The following CPXM1 variants were observed in gnomAD, a reference collection of about 807,000 sequenced individuals.
CPXM1 encodes the protein probable carboxypeptidase X1.
Under a neutral mutation model 80.4 loss-of-function variants are expected in CPXM1, and 72 were observed. The observed-to-expected ratio is 0.90, with a 90% CI of 0.74 to 1.09. The LOEUF (loss-of-function observed/expected upper bound fraction) is 1.09, where lower values mean the gene tolerates loss of function less well. Among genes scored for constraint, CPXM1 ranks in the 50% least tolerant of loss-of-function variants. The pLI, the probability that CPXM1 is intolerant of heterozygous loss-of-function variation, is 0.00. For synonymous variants in CPXM1, 403 were observed against 405.6 expected (o/e 0.99, Z 0.08); for missense variants, 892 against 999.4 (o/e 0.89, Z 1.45).
rs773319496 is a variant in CPXM1, at chr20:2,794,437, G to C, written c.1964-6C>G. 11 of 1,613,590 alleles carry C rather than the reference G, an allele frequency of 6.8e-6. No homozygotes were observed. The highest frequency in any genetic ancestry group is 9.3e-6 in the Non-Finnish European group (11 of 1,179,580). ...CCAATAATCCCCGCCCCACGCTGAG[G>C]AGAGTGAAGGGCACGATCAGGACCC... On this transcript the variant is annotated splice_polypyrimidine_tract_variant and splice_region_variant and intron_variant, in intron 13 of 13. Transcript: ENST00000380605. The surrounding 1 kb of genome is among the most constrained non-coding windows in gnomAD (Gnocchi z 5.2).
In CPXM1 at chr20:2,796,821, G is replaced by C. The variant is rs1490479322; in HGVS notation, c.922-171C>G. Reference sequence around the variant, plus strand: ...GAGCCGGGAGGAAGGGGTAGGACTGGGGGGGCGCCATAATAAGGGAAAGTG... The same window carrying C: ...GAGCCGGGAGGAAGGGGTAGGACTGCGGGGGCGCCATAATAAGGGAAAGTG... On this transcript the variant is annotated intron_variant, in intron 7 of 13. Transcript: ENST00000380605. This position sits in a 1 kb window ranked among gnomAD's most constrained non-coding sequence, Gnocchi z 6.8. 6.6e-6 allele frequency among the ~76,000 whole-genome samples: 1 copy of C among 152,026 alleles called. No homozygotes were observed. The highest frequency in any genetic ancestry group is 1.5e-5 in the Non-Finnish European group (1 of 67,982).
intron 3 of CPXM1, 42 bp from the exon 4 acceptor site, chr20:2,798,333 G>A: frequency 6.2e-7 from 1 of 1,610,646 alleles, no homozygotes; most frequent in Non-Finnish European, 8.5e-7. Context: ...GTTGGACAGA[G>A]TGGGGCAGGC....
rs1044144384 is a variant in CPXM1 at position 2,794,108 on chromosome 20, C to A, written c.*82G>T. 23 of 1,509,426 alleles carry A rather than the reference C, an allele frequency of 1.5e-5. No homozygotes were observed. Among genetic ancestry groups the A allele is most frequent in the Non-Finnish European group, 6.2e-6 (7 of 1,128,090 alleles). 93.5% of individuals were successfully genotyped at this position (1,509,426 alleles called of 1,614,324 possible). ...CGGTAGCTTTAATGAGCACCTTTTC[C>A]TCACTTTGTCCCTCCCTCTCTACTC... On this transcript the variant is annotated 3_prime_UTR_variant, in exon 14 of 14. Coordinates refer to ENST00000380605, the MANE Select transcript of CPXM1 (RefSeq NM_019609.5). The surrounding 1 kb of genome is among the most constrained non-coding windows in gnomAD (Gnocchi z 5.2).
At chr20:2,797,827 C>CAGG in intron 5 of CPXM1, 141 bp downstream of exon 5, 1 of 719,304 alleles carries the variant, frequency 1.4e-6, no homozygotes. Flanking sequence ...CTGCCGTGTG[C>CAGG]CACCCTCTTG....
At position 2,795,308 on chromosome 20, in the gene CPXM1, T is replaced by G. The variant is rs1434343273; in HGVS notation, c.1829A>C (p.Asn610Thr). Residue 610 changes from asparagine (N) to threonine (T), a missense_variant, in exon 12 of 14, where the codon AAC becomes ACC. By Grantham distance (65) the Asn-to-Thr change is moderately conservative (BLOSUM62 0). This residue lies in a region of CPXM1 where 874 missense variants were observed against 958.4 expected (regional missense o/e 0.91). Coordinates refer to ENST00000380605, the MANE Select transcript of CPXM1 (RefSeq NM_019609.5). The surrounding 1 kb of genome is among the most constrained non-coding windows in gnomAD (Gnocchi z 5.4). ...CAGGTAGGTGAGGAGGGCGTCTTTG[T>G]TGTTCTCCCACTCCTGGGGCAATTC... ...ENELPQEWEN[N>T]KDALLTYLEQ... 7.4e-6 allele frequency: 12 copies of G among 1,614,106 alleles called. No homozygotes were observed. Among genetic ancestry groups the G allele is most frequent in the Non-Finnish European group, 9.3e-6 (11 of 1,180,008 alleles).
Position 2,800,596 on chromosome 20 carries a change from G to C in CPXM1, c.-24C>G. The C allele has an allele frequency of 7.6e-7, 1 of 1,324,456 alleles. No homozygotes were observed. Among genetic ancestry groups the C allele is most frequent in the Non-Finnish European group, 9.6e-7 (1 of 1,040,886 alleles). The allele number at this position is 1,324,456 out of a possible 1,614,324, so 82.0% of individuals were successfully genotyped here. A position where few individuals can be genotyped will look rare whatever the true frequency, so the allele number is the denominator to read the frequency against. ...ATGGCGGGGATTGAGTGCCAGGGGC[G>C]CGCGGGCTACGGCGGGTGGCGGGTC... is the stretch of plus-strand genomic sequence containing the variant. On this transcript the variant is annotated 5_prime_UTR_variant, in exon 1 of 14. Coordinates refer to ENST00000380605, the MANE Select transcript of CPXM1 (RefSeq NM_019609.5).
In CPXM1 at chr20:2,797,961, C is replaced by A. The variant is rs756351814; in HGVS notation, c.681+7G>T. ...ATGGAGGCCCCAGCCACAGTGGGAC[C>A]ACTCACTGCGTCCATCCCACTGCTG... On this transcript the variant is annotated splice_region_variant and intron_variant, in intron 5 of 13. Transcript: ENST00000380605. 2 of 1,612,964 alleles carry A rather than the reference C, an allele frequency of 1.2e-6. No individual in the cohort carries two copies. The highest frequency in any genetic ancestry group is 1.7e-6 in the Non-Finnish European group (2 of 1,179,020).
In CPXM1 at chr20:2,795,864, C is replaced by A; in HGVS notation, c.1455G>T (p.Trp485Cys). The change falls in exon 11 of 14, where the codon TGG becomes TGT. Residue 485 changes from tryptophan (W) to cysteine (C), a missense_variant. Transcript: ENST00000380605. The surrounding 1 kb of genome is among the most constrained non-coding windows in gnomAD (Gnocchi z 5.4). ...TTAGCACAAAGGGGATCCGCTTCAT[C>A]CACTTGATTACTGCCCGCGTTTCAG... Reference protein sequence around the residue: ...VAPETRAVIKWMKRIPFVLSA... With the variant: ...VAPETRAVIKCMKRIPFVLSA... The A allele has an allele frequency of 6.2e-7, 1 of 1,612,176 alleles. No homozygotes were observed. Among genetic ancestry groups the A allele is most frequent in the Non-Finnish European group, 8.5e-7 (1 of 1,179,426 alleles).
rs2088489933 is a variant in CPXM1 at position 2,795,015 on chromosome 20, T to C, written c.1860+262A>G. ...GCCTCACGTGAGTCTCTCCTGAGGA[T>C]AGCTCTGGGGCAGCGCCACGGACCA... is the stretch of plus-strand genomic sequence containing the variant. On this transcript the variant is annotated intron_variant, in intron 12 of 13. Transcript: ENST00000380605. This position sits in a 1 kb window ranked among gnomAD's most constrained non-coding sequence, Gnocchi z 5.4. Among the ~76,000 whole-genome samples the C allele has an allele frequency of 6.6e-6, 1 of 152,120 alleles. No homozygotes were observed. Among genetic ancestry groups the C allele is most frequent in the African/African-American group, 2.4e-5 (1 of 41,434 alleles).
chr20:2,798,400 AC>A (rs1168979473), intron 3 of CPXM1, 27 bp downstream of exon 3: 2 of 1,606,282 alleles, frequency 1.2e-6, no homozygotes, highest in Non-Finnish European at 1.7e-6. Context: ...CTACCCTGAG[AC>A]CATGGCTCCG....
At position 2,795,998 on chromosome 20, in the gene CPXM1, G is replaced by C. The variant is rs1048503310; in HGVS notation, c.1406C>G (p.Thr469Ser). 6.2e-7 allele frequency: 1 copy of C among 1,610,484 alleles called. No individual in the cohort carries two copies. The highest frequency in any genetic ancestry group is 1.7e-5 in the Admixed American group (1 of 59,784). The change falls in exon 10 of 14, where the codon ACC becomes AGC. Residue 469 changes from threonine (T) to serine (S), a missense_variant. Coordinates refer to ENST00000380605, the MANE Select transcript of CPXM1 (RefSeq NM_019609.5). The surrounding 1 kb of genome is among the most constrained non-coding windows in gnomAD (Gnocchi z 5.4). ...NHHLPLPTYYTLPNATVAPET... is the reference protein window; with the variant it reads ...NHHLPLPTYYSLPNATVAPET... The stretch of plus-strand genomic sequence containing the variant: ...AATACTCACGGTGGCATTGGGCAGG[G>C]TGTAGTAAGTGGGCAATGGCAGGTG...
chr20:2,796,334 G>A lies in CPXM1; in HGVS notation c.1155C>T (p.Asn385=), dbSNP rs753924551. The A allele has an allele frequency of 1.9e-6, 3 of 1,613,878 alleles. No individual in the cohort carries two copies. The African/African-American group carries it at 4.0e-5, about 22-fold the overall frequency. ...QFLCHEFLRG[N]PRVTRLLSEM... ...CAGAGAGCAGCCGGGTCACCCGTGGGTTCCCTCGCAGGAACTCATGGCACA... is the reference window on the plus strand; with the variant it reads ...CAGAGAGCAGCCGGGTCACCCGTGGATTCCCTCGCAGGAACTCATGGCACA... The change falls in exon 9 of 14, where the codon AAC becomes AAT. Residue 385 remains asparagine, a synonymous_variant. Transcript: ENST00000380605. This position sits in a 1 kb window ranked among gnomAD's most constrained non-coding sequence, Gnocchi z 6.8.
In CPXM1 at chr20:2,795,896, C is replaced by T; in HGVS notation, c.1423G>A (p.Val475Met). 6.2e-7 allele frequency: 1 copy of T among 1,609,210 alleles called. No individual in the cohort carries two copies. The highest frequency in any genetic ancestry group is 1.1e-5 in the South Asian group (1 of 90,914). The change falls in exon 11 of 14, where the codon GTG becomes ATG. Residue 475 changes from valine (V) to methionine (M), a missense_variant and splice_region_variant. By Grantham distance (21) the Val-to-Met change is conservative (BLOSUM62 1). Around this residue, in one of 2 missense-constraint regions of CPXM1, gnomAD observed 874 missense variants for 958.4 expected, o/e 0.91. Transcript: ENST00000380605. This position sits in a 1 kb window ranked among gnomAD's most constrained non-coding sequence, Gnocchi z 5.4. ...ATTACTGCCCGCGTTTCAGGAGCCA[C>T]CTGGATGGGGCAGGTCAGGAGGGGC... Reference protein sequence around the residue: ...PTYYTLPNATVAPETRAVIKW... With the variant: ...PTYYTLPNATMAPETRAVIKW...
In CPXM1 at chr20:2,795,165, T is replaced by C; in HGVS notation, c.1860+112A>G. ...GATACCAAGCATGGCCCATGGCATC[T>C]TGTGAGTCTGAATGCTCAGCTGGAC... On this transcript the variant is annotated intron_variant, in intron 12 of 13. Coordinates refer to ENST00000380605, the MANE Select transcript of CPXM1 (RefSeq NM_019609.5). The surrounding 1 kb of genome is among the most constrained non-coding windows in gnomAD (Gnocchi z 5.4). 1.6e-6 allele frequency: 2 copies of C among 1,286,576 alleles called. No homozygotes were observed. Among genetic ancestry groups the C allele is most frequent in the East Asian group, 2.3e-5 (1 of 42,958 alleles). The allele number at this position is 1,286,576 out of a possible 1,614,324, so 79.7% of individuals were successfully genotyped here.
rs143135336 is a variant in CPXM1, at chr20:2,794,369, C to T, written c.2026G>A (p.Glu676Lys). 11 of 1,614,002 alleles carry T rather than the reference C, an allele frequency of 6.8e-6. No homozygotes were observed. Among genetic ancestry groups the T allele is most frequent in the South Asian group, 1.1e-5 (1 of 91,076 alleles). Residue 676 changes from glutamate (E) to lysine (K), a missense_variant, in exon 14 of 14, where the codon GAG becomes AAG. Glu to Lys is a moderately conservative substitution (Grantham distance 56, BLOSUM62 1). Transcript: ENST00000380605. The surrounding 1 kb of genome is among the most constrained non-coding windows in gnomAD (Gnocchi z 5.2). ...TTCCGTGTCACTGAATGGTAGCCCTCGGCACTGGCAGTCACCATGTAGTCC... is the reference window on the plus strand; with the variant it reads ...TTCCGTGTCACTGAATGGTAGCCCTTGGCACTGGCAGTCACCATGTAGTCC... Reference protein sequence around the residue: ...PGDYMVTASAEGYHSVTRNCR... With the variant: ...PGDYMVTASAKGYHSVTRNCR...
chr20:2,796,828 G>A lies in CPXM1; in HGVS notation c.921+178C>T, dbSNP rs1266471952. 1.3e-5 allele frequency among the ~76,000 whole-genome samples: 2 copies of A among 152,052 alleles called. No homozygotes were observed. The highest frequency in any genetic ancestry group is 2.9e-5 in the Non-Finnish European group (2 of 67,990). On this transcript the variant is annotated intron_variant, in intron 7 of 13. Transcript: ENST00000380605. The surrounding 1 kb of genome is among the most constrained non-coding windows in gnomAD (Gnocchi z 6.8). ...GAGGAAGGGGTAGGACTGGGGGGGC[G>A]CCATAATAAGGGAAAGTGGGATGGA...
intron 2 of CPXM1, 22 bp downstream of exon 2, chr20:2,798,704 T>C (rs1183831470): frequency 1.2e-6 from 2 of 1,604,070 alleles, no homozygotes. Flanking sequence ...AAGTCTGGGC[T>C]GGGCCCCTGG....
At position 2,798,537 on chromosome 20, in the gene CPXM1, C is replaced by A. The variant is rs751492061; in HGVS notation, c.341G>T (p.Gly114Val). The A allele has an allele frequency of 1.2e-6, 2 of 1,613,196 alleles. No individual in the cohort carries two copies. The highest frequency in any genetic ancestry group is 1.7e-6 in the Non-Finnish European group (2 of 1,179,334). Residue 114 changes from glycine to valine, a missense_variant and splice_region_variant, in exon 3 of 14, where the codon GGC becomes GTC. By Grantham distance (109) the Gly-to-Val change is moderately radical. This residue lies in a region of CPXM1 where 874 missense variants were observed against 958.4 expected (regional missense o/e 0.91). Coordinates refer to ENST00000380605, the MANE Select transcript of CPXM1 (RefSeq NM_019609.5). Reference protein sequence around the residue: ...TLDPAEKQETGCPPLGLESLR... With the variant: ...TLDPAEKQETVCPPLGLESLR... ...GGACTCCAGACCCAAAGGAGGACAG[C>A]CTGGGGCGGGGATAGAACAGTGAGA...
In CPXM1 at chr20:2,798,857, T is replaced by G. The variant is rs1482096236; in HGVS notation, c.209A>C (p.Lys70Thr). 6.2e-7 allele frequency: 1 copy of G among 1,614,078 alleles called. No homozygotes were observed. The highest frequency in any genetic ancestry group is 8.5e-7 in the Non-Finnish European group (1 of 1,179,992). Residue 70 changes from lysine (K) to threonine (T), a missense_variant, in exon 2 of 14, where the codon AAG (lysine) becomes ACG (threonine). Coordinates refer to ENST00000380605, the MANE Select transcript of CPXM1 (RefSeq NM_019609.5). ...SEQHVRIRVI[K>T]KKKVIMKKRK... The stretch of plus-strand genomic sequence containing the variant: ...CTTCTTCATAATGACCTTTTTCTTC[T>G]TGATGACTCGAATCCGGACATGCTG...
Sources: gnomAD v4.1 joint callset for allele counts (sites outside exome capture counted in the v4.1 genomes callset) on GRCh38, gnomAD v4.1.1 for gene constraint, gnomAD v4.1.1 regional missense constraint, Gnocchi (gnomAD v3.1) non-coding constraint, MANE v1.5 for transcripts, NCBI Gene and HGNC (gene_info 2026-07-23, HGNC 2026-07-21) for gene names.